Variants in ADCY1 observed in about 807,000 individuals in gnomAD.
ADCY1 encodes adenylate cyclase type 1.
ADCY1 carries 28 observed loss-of-function variants against 105.4 expected under a neutral mutation model. The ratio of observed to expected loss-of-function variants is 0.27; its 90% confidence interval spans 0.20 to 0.36. ADCY1 has a LOEUF of 0.36. Among genes scored for constraint, ADCY1 ranks in the 10% least tolerant of loss-of-function variants. The pLI is 1.00. For missense variants in ADCY1, 977 were observed against 1,434.2 expected (o/e 0.68, Z 5.15); for synonymous variants, 655 against 623.8 (o/e 1.05, Z -0.75).
rs528916951 is a variant in ADCY1 at position 45,641,916 on chromosome 7, G to C, written c.1021-6754G>C. ...AGTCCGCAGTCCGGCCTGGGCGACA[G>C]AGCGAGACTCCGTCTCAAAAAAAAA... On this transcript the variant is annotated intron_variant, in intron 4 of 19. Transcript: ENST00000297323. Among the ~76,000 whole-genome samples the C allele has an allele frequency of 2.4e-4, 7 of 28,914 alleles. No homozygotes were observed. The South Asian group carries it at 0.015, about 63-fold the overall frequency. The allele number at this position is 28,914 out of a possible 152,430, so 19.0% of individuals were successfully genotyped here.
chr7:45,615,520 G>A (rs1423602428), intron 3 of ADCY1, among the ~76,000 whole-genome samples: 2 of 152,120 alleles, frequency 1.3e-5, no homozygotes, highest in Non-Finnish European at 2.9e-5. Context: ...GATTGCTTGT[G>A]CCCAGGAGGT....
intron 11 of ADCY1, among the ~76,000 whole-genome samples, chr7:45,682,308 C>T (rs893866924): frequency 6.6e-5 from 10 of 152,072 alleles, no homozygotes; most frequent in African/African-American, 2.2e-4. Flanking sequence ...AGAGCTGACC[C>T]GAGGGTCCTG....
intron 4 of ADCY1, among the ~76,000 whole-genome samples, chr7:45,631,059 A>G (rs1055112239): frequency 5.9e-5 from 9 of 152,208 alleles, no homozygotes; most frequent in African/African-American, 1.9e-4. Context: ...GGTCTAAAGC[A>G]TCTAGCACAG....
intron 5 of ADCY1, among the ~76,000 whole-genome samples, chr7:45,651,258 C>T (rs779516083): frequency 1.3e-5 from 2 of 152,238 alleles, no homozygotes; most frequent in South Asian, 4.2e-4. Flanking sequence ...CCTTCTTCCT[C>T]CTCAGACTGT....
intron 14 of ADCY1, among the ~76,000 whole-genome samples, chr7:45,698,207 TC>T (rs567446328): frequency 2.2e-4 from 33 of 151,976 alleles, no homozygotes; most frequent in African/African-American, 8.0e-4. Context: ...CTTATGGACT[TC>T]CTAGGGCAGT....
chr7:45,710,931 C>T lies in ADCY1; in HGVS notation c.3057+279C>T. ...GGGTCCTGCTGCTGGTCCCAGCAGC[C>T]TGGTGGCTCTCATTCACTCTGCACA... On this transcript the variant is annotated intron_variant, in intron 19 of 19. Coordinates refer to ENST00000297323, the MANE Select transcript of ADCY1 (RefSeq NM_021116.4). This position sits in a 1 kb window ranked among gnomAD's most constrained non-coding sequence, Gnocchi z 4.7. 6.6e-6 allele frequency among the ~76,000 whole-genome samples: 1 copy of T among 152,166 alleles called. No homozygotes were observed. Among genetic ancestry groups the T allele is most frequent in the East Asian group, 1.9e-4 (1 of 5,178 alleles).
intron 1 of ADCY1, among the ~76,000 whole-genome samples, chr7:45,587,632 T>C (rs1390082827): frequency 2.0e-5 from 3 of 152,072 alleles, no homozygotes; most frequent in Non-Finnish European, 4.4e-5. Flanking sequence ...CCAAGGACTA[T>C]GGGACGTCTT....
intron 4 of ADCY1, among the ~76,000 whole-genome samples, chr7:45,628,311 C>T (rs1023013817): frequency 3.9e-5 from 6 of 152,232 alleles, no homozygotes; most frequent in African/African-American, 1.4e-4. Context: ...GCCAAGTGAG[C>T]CTCTCGCTTT....
chr7:45,704,750 T>C, intron 17 of ADCY1, 134 bp downstream of exon 17: 3 of 692,998 alleles, frequency 4.3e-6, no homozygotes, highest in Non-Finnish European at 7.4e-6. Flanking sequence ...GCTTGAGTGC[T>C]GTTTTTGTCC....
chr7:45,644,964 C>T (rs1794621862), intron 4 of ADCY1, among the ~76,000 whole-genome samples: 1 of 152,154 alleles, frequency 6.6e-6, no homozygotes, highest in Admixed American at 6.5e-5. Context: ...GGGTTCTCAG[C>T]TTTGCATCTC....
At chr7:45,606,209 A>T (rs1203617590) in intron 2 of ADCY1, among the ~76,000 whole-genome samples, 2 of 147,070 alleles carry the variant, frequency 1.4e-5, no homozygotes, top group Non-Finnish European at 3.0e-5. Flanking sequence ...TGTTACCAGC[A>T]GGTGGAGAGG....
chr7:45,645,998 G>A (rs1191225371), intron 4 of ADCY1, among the ~76,000 whole-genome samples: 1 of 151,026 alleles, frequency 6.6e-6, no homozygotes, highest in African/African-American at 2.4e-5. Context: ...GAGGGGGTGG[G>A]AGGTGGCAAG....
At chr7:45,654,281 C>G (rs1425086440) in intron 5 of ADCY1, among the ~76,000 whole-genome samples, 1 of 152,226 alleles carries the variant, frequency 6.6e-6, no homozygotes, top group Non-Finnish European at 1.5e-5. Context: ...AGATTTTGAA[C>G]AGGAACCTCA....
chr7:45,656,626 TGGCTGG>T (rs1794952011), intron 5 of ADCY1, among the ~76,000 whole-genome samples: 1 of 151,872 alleles, frequency 6.6e-6, no homozygotes, highest in Non-Finnish European at 1.5e-5. Flanking sequence ...CCCTGAGCCT[TGGCTGG>T]GGCTCCAGGA....
At chr7:45,705,783 G>A (rs1164944886) in intron 17 of ADCY1, among the ~76,000 whole-genome samples, 1 of 152,202 alleles carries the variant, frequency 6.6e-6, no homozygotes, top group East Asian at 1.9e-4. Context: ...ATGACTATAC[G>A]TAGAAAATGC....
intron 8 of ADCY1, among the ~76,000 whole-genome samples, chr7:45,674,664 G>A (rs112473323): frequency 0.039 from 5,943 of 152,262 alleles, 135 homozygotes; most frequent in East Asian, 0.065. Flanking sequence ...GAGCCACAGC[G>A]CCCCACTGTT....
intron 14 of ADCY1, among the ~76,000 whole-genome samples, chr7:45,689,886 A>C (rs1233657175): frequency 6.6e-6 from 1 of 152,234 alleles, no homozygotes; most frequent in East Asian, 1.9e-4. Flanking sequence ...GAAAGGGACG[A>C]GGAACATGGC....
At chr7:45,654,116 G>A (rs545951412) in intron 5 of ADCY1, among the ~76,000 whole-genome samples, 2 of 152,308 alleles carry the variant, frequency 1.3e-5, no homozygotes, top group Admixed American at 1.3e-4. Context: ...TGCAAGTATT[G>A]ATTCATCAGC....
chr7:45,641,903 G>A (rs59725264), intron 4 of ADCY1, among the ~76,000 whole-genome samples: 2,282 of 88,458 alleles, frequency 0.026, 59 homozygotes, highest in African/African-American at 0.074. Flanking sequence ...TCCGCAGTCC[G>A]GCCTGGGCGA....
Sources: gnomAD v4.1 joint callset for allele counts (sites outside exome capture counted in the v4.1 genomes callset) on GRCh38, gnomAD v4.1.1 for gene constraint, Gnocchi (gnomAD v3.1) non-coding constraint, MANE v1.5 for transcripts, NCBI Gene and HGNC (gene_info 2026-07-23, HGNC 2026-07-21) for gene names.